The following ASAP1 variants were observed in gnomAD, a reference collection of about 807,000 sequenced individuals.
ASAP1 encodes arf-GAP with SH3 domain, ANK repeat and PH domain-containing protein 1.
Under a neutral mutation model 145.2 loss-of-function variants are expected in ASAP1, and 43 were observed. The observed-to-expected ratio is 0.30, with a 90% CI of 0.23 to 0.38. The LOEUF is 0.38. Ranked by LOEUF, ASAP1 falls within the 10% of genes least tolerant of loss-of-function variation. The pLI, the probability that ASAP1 is intolerant of heterozygous loss-of-function variation, is 1.00. For synonymous variants in ASAP1, 546 were observed against 515.5 expected (o/e 1.06, Z -0.80); for missense variants, 1,018 against 1,355.3 (o/e 0.75, Z 3.91).
chr8:130,186,032 G>A (rs914554674), intron 7 of ASAP1, among the ~76,000 whole-genome samples: 5 of 152,098 alleles, frequency 3.3e-5, no homozygotes, highest in African/African-American at 1.2e-4. Context: ...TGTAGAACAA[G>A]GTTTTTTTCT....
intron 28 of ASAP1, among the ~76,000 whole-genome samples, chr8:130,060,075 CAAAAAAAAAAAAAAAAA>C (rs55875346): frequency 1.0e-5 from 1 of 95,912 alleles, no homozygotes; most frequent in Non-Finnish European, 2.1e-5. Context: ...GAGCCCTTCT[CAAAAAAAAAAAAAAAAA>C]AAAAAAAAAA....
chr8:130,202,698 T>C (rs1023300386), intron 5 of ASAP1, among the ~76,000 whole-genome samples: 3 of 152,214 alleles, frequency 2.0e-5, no homozygotes, highest in Non-Finnish European at 4.4e-5. Context: ...TTAGATACTC[T>C]TGCTTTCTAG....
intron 4 of ASAP1, among the ~76,000 whole-genome samples, chr8:130,217,445 A>G (rs1003563535): frequency 4.6e-5 from 7 of 151,772 alleles, no homozygotes; most frequent in Non-Finnish European, 1.5e-5. Context: ...ACCACATCCT[A>G]TATGTGTATA....
intron 2 of ASAP1, chr8:130,360,819 T>A (rs529937409): frequency 6.6e-6 from 1 of 152,254 alleles, no homozygotes; most frequent in Non-Finnish European, 1.5e-5. Context: ...TGTGCCATAG[T>A]TGACAGAACA....
intron 1 of ASAP1, among the ~76,000 whole-genome samples, chr8:130,437,415 C>A (rs908549019): frequency 3.9e-5 from 6 of 152,204 alleles, no homozygotes; most frequent in African/African-American, 1.4e-4. Flanking sequence ...CTTACATTAT[C>A]TCAGTTAAGT....
Position 130,184,367 on chromosome 8 carries a change from A to G in ASAP1, c.530+2869T>C, listed in dbSNP as rs763174629. 3.9e-5 allele frequency among the ~76,000 whole-genome samples: 6 copies of G among 152,358 alleles called. No homozygotes were observed. In the South Asian group the frequency reaches 1.2e-3, roughly 32 times the overall value. On this transcript the variant is annotated intron_variant, in intron 7 of 29. Coordinates refer to ENST00000518721, the MANE Select transcript of ASAP1 (RefSeq NM_018482.4). ...CAAGAAAATACTGAGGAACGTGTAGATAAGTCAGGAAGCAGGTAAAAGAGT... is the reference window on the plus strand; with the variant it reads ...CAAGAAAATACTGAGGAACGTGTAGGTAAGTCAGGAAGCAGGTAAAAGAGT...
At chr8:130,222,208 A>G (rs747303514) in intron 4 of ASAP1, among the ~76,000 whole-genome samples, 1 of 152,236 alleles carries the variant, frequency 6.6e-6, no homozygotes, top group Non-Finnish European at 1.5e-5. Flanking sequence ...AACTTTCAGA[A>G]CCACAGCAAT....
intron 2 of ASAP1, among the ~76,000 whole-genome samples, chr8:130,362,129 G>C (rs115247857): frequency 0.028 from 4,294 of 152,182 alleles, 74 homozygotes; most frequent in African/African-American, 0.048. Context: ...TTGCCATCAG[G>C]GAATTGGCTC....
Position 130,180,793 on chromosome 8 carries a change from T to C in ASAP1, c.618A>G (p.Glu206=). The change falls in exon 8 of 30, where the codon GAA becomes GAG. Residue 206 remains glutamate, a synonymous_variant. Transcript: ENST00000518721. ...GAAAGAGGCGCCTTTCCTTCTCCATTTCTTCCGCAATCTCAGCTCCTGTTA... is the reference window on the plus strand; with the variant it reads ...GAAAGAGGCGCCTTTCCTTCTCCATCTCTTCCGCAATCTCAGCTCCTGTTA... ...TEITGAEIAE[E]MEKERRLFQL... is the part of the protein sequence containing the mutation. 6.2e-7 allele frequency: 1 copy of C among 1,613,794 alleles called. No individual in the cohort carries two copies. Among genetic ancestry groups the C allele is most frequent in the Non-Finnish European group, 8.5e-7 (1 of 1,179,840 alleles).
intron 9 of ASAP1, among the ~76,000 whole-genome samples, chr8:130,170,853 G>C (rs1461467827): frequency 3.3e-5 from 5 of 151,852 alleles, no homozygotes; most frequent in African/African-American, 1.2e-4. Flanking sequence ...TGAGTAGCCG[G>C]GACTACAGAG....
At chr8:130,203,793 G>A (rs1473735114) in intron 5 of ASAP1, among the ~76,000 whole-genome samples, 1 of 152,158 alleles carries the variant, frequency 6.6e-6, no homozygotes, top group Non-Finnish European at 1.5e-5. Context: ...CCAGATCTGG[G>A]CCTAAAGAAA....
chr8:130,130,607 A>G (rs2097581459), intron 15 of ASAP1, among the ~76,000 whole-genome samples: 1 of 152,232 alleles, frequency 6.6e-6, no homozygotes, highest in Non-Finnish European at 1.5e-5. Flanking sequence ...TAATACTTTA[A>G]ACGTCGCTTT....
intron 5 of ASAP1, among the ~76,000 whole-genome samples, chr8:130,201,272 G>C (rs1212101257): frequency 1.3e-5 from 2 of 152,162 alleles, no homozygotes; most frequent in Non-Finnish European, 2.9e-5. Flanking sequence ...TTACAATGAA[G>C]AACAGAGGTA....
intron 27 of ASAP1, among the ~76,000 whole-genome samples, chr8:130,068,570 T>A (rs1042567635): frequency 5.9e-5 from 9 of 152,196 alleles, no homozygotes; most frequent in African/African-American, 1.9e-4. Flanking sequence ...AGAGTAGAAG[T>A]ACATGTTTGG....
intron 1 of ASAP1, among the ~76,000 whole-genome samples, chr8:130,417,015 G>A (rs888506908): frequency 2.0e-5 from 3 of 152,210 alleles, no homozygotes; most frequent in Admixed American, 6.5e-5. Flanking sequence ...TTGCATACAC[G>A]CATATGGACA....
intron 3 of ASAP1, among the ~76,000 whole-genome samples, chr8:130,246,769 T>C (rs1020172445): frequency 6.6e-6 from 1 of 152,142 alleles, no homozygotes; most frequent in Non-Finnish European, 1.5e-5. Context: ...ATTCCATACA[T>C]TCTGTAAAGA....
chr8:130,091,987 C>A lies in ASAP1; in HGVS notation c.2558G>T (p.Gly853Val). The change falls in exon 25 of 30, where the codon GGC (glycine) becomes GTC (valine). Residue 853 changes from glycine to valine, a missense_variant. Transcript: ENST00000518721. ...GGATAACTTACCCCAAGGAACTGCG[C>A]CTTTGTTTGGGGGCCCATGAGGTAG... ...SPLPHGPPNK[G>V]AVPWGNDGGP... The A allele has an allele frequency of 6.4e-7, 1 of 1,557,986 alleles. No individual in the cohort carries two copies. The highest frequency in any genetic ancestry group is 8.6e-7 in the Non-Finnish European group (1 of 1,158,598).
intron 3 of ASAP1, among the ~76,000 whole-genome samples, chr8:130,315,740 T>G (rs566154592): frequency 2.0e-5 from 3 of 152,206 alleles, no homozygotes; most frequent in Non-Finnish European, 4.4e-5. Context: ...ACTATTACAG[T>G]GTATGGCGTA....
intron 9 of ASAP1, among the ~76,000 whole-genome samples, chr8:130,170,808 TC>T (rs1813541961): frequency 6.6e-6 from 1 of 152,168 alleles, no homozygotes; most frequent in African/African-American, 2.4e-5. Context: ...AGCCTAGACT[TC>T]CTGGGCTCAA....
Sources: gnomAD v4.1 joint callset for allele counts (sites outside exome capture counted in the v4.1 genomes callset) on GRCh38, gnomAD v4.1.1 for gene constraint, MANE v1.5 for transcripts, NCBI Gene and HGNC (gene_info 2026-07-23, HGNC 2026-07-21) for gene names.